DDX31: variants seen among roughly 807,000 people sequenced by gnomAD.
DDX31 encodes the protein ATP-dependent DNA helicase DDX31.
A neutral mutation model predicts 91.3 loss-of-function variants in DDX31; 70 were observed. The observed-to-expected ratio is 0.77, with a 90% CI of 0.63 to 0.94. The LOEUF (loss-of-function observed/expected upper bound fraction) is 0.94, where lower values mean the gene tolerates loss of function less well. Among genes scored for constraint, DDX31 ranks in the 40% least tolerant of loss-of-function variants. The probability of loss-of-function intolerance (pLI) is 0.00; values close to 1 mark genes in which losing one functional copy is unlikely to be tolerated. For missense variants in DDX31, 902 were observed against 925.0 expected, an observed-to-expected ratio of 0.98 and a Z score of 0.32; for synonymous variants, 362 against 350.6, an observed-to-expected ratio of 1.03 and a Z score of -0.36.
intron 4 of DDX31, 24 bp downstream of exon 4, chr9:132,661,184 T>C (rs1224670055): frequency 1.2e-6 from 2 of 1,604,896 alleles, no homozygotes; most frequent in Non-Finnish European, 1.7e-6. Flanking sequence ...GCCTAAGAAA[T>C]CAAGAGGAGC....
chr9:132,654,415 A>G (rs996721296), intron 6 of DDX31, among the ~76,000 whole-genome samples: 1 of 152,192 alleles, frequency 6.6e-6, no homozygotes, highest in Non-Finnish European at 1.5e-5. Flanking sequence ...GTTAGAGACC[A>G]GCCTGGCCAA....
At chr9:132,640,750 C>T (rs962106607) in intron 14 of DDX31, among the ~76,000 whole-genome samples, 3 of 152,194 alleles carry the variant, frequency 2.0e-5, no homozygotes, top group African/African-American at 7.2e-5. Context: ...TCAAGCGATC[C>T]TCCCACCTCG....
At chr9:132,646,228 T>C (rs1833833047) in intron 12 of DDX31, among the ~76,000 whole-genome samples, 157 bp from the exon 13 acceptor site, 1 of 152,160 alleles carries the variant, frequency 6.6e-6, no homozygotes, top group African/African-American at 2.4e-5. Flanking sequence ...AAAACAGTGA[T>C]ACTCCACTCT....
chr9:132,666,048 T>C (rs1295390796), intron 1 of DDX31, among the ~76,000 whole-genome samples: 1 of 152,252 alleles, frequency 6.6e-6, no homozygotes, highest in Non-Finnish European at 1.5e-5. Flanking sequence ...AGTTTTGCCT[T>C]GTATAGTCTT....
intron 16 of DDX31, among the ~76,000 whole-genome samples, chr9:132,628,975 GA>G (rs1315194652): frequency 6.6e-6 from 1 of 152,258 alleles, no homozygotes; most frequent in Non-Finnish European, 1.5e-5. Flanking sequence ...GGAGGAAAAG[GA>G]AACTGGCTGC....
chr9:132,669,409 A>G (rs904389350), intron 1 of DDX31, among the ~76,000 whole-genome samples: 1 of 152,144 alleles, frequency 6.6e-6, no homozygotes, highest in African/African-American at 2.4e-5. Flanking sequence ...AATGAAAGCC[A>G]TCTGATGAGA....
chr9:132,646,967 T>A lies in DDX31; in HGVS notation c.1059A>T (p.Lys353Asn). The A allele has an allele frequency of 6.2e-7, 1 of 1,614,212 alleles. No homozygotes were observed. Among genetic ancestry groups the A allele is most frequent in the Non-Finnish European group, 8.5e-7 (1 of 1,180,034 alleles). Reference protein sequence around the residue: ...KSHDQLNPKDKAVQEVCPPPA... With the variant: ...KSHDQLNPKDNAVQEVCPPPA... ...GTGGAGGACAGACCTCCTGGACCGCTTTGTCCTTTGGGTTCAACTGGTCAT... is the reference window on the plus strand; with the variant it reads ...GTGGAGGACAGACCTCCTGGACCGCATTGTCCTTTGGGTTCAACTGGTCAT... Residue 353 changes from lysine (K) to asparagine (N), a missense_variant, in exon 12 of 20, where the codon AAA becomes AAT. By Grantham distance (94) the Lys-to-Asn change is moderately conservative. Transcript: ENST00000372159.
At chr9:132,618,967 T>C (rs1831818767) in intron 17 of DDX31, among the ~76,000 whole-genome samples, 2 of 152,186 alleles carry the variant, frequency 1.3e-5, no homozygotes, top group Admixed American at 6.5e-5. Flanking sequence ...TTCAGACTTC[T>C]AGTGTTTCAA....
In DDX31 at chr9:132,594,825, AC is replaced by A; in HGVS notation, c.*40del. 1 of 1,603,732 alleles carries A rather than the reference AC, an allele frequency of 6.2e-7. No individual in the cohort carries two copies. On this transcript the variant is annotated 3_prime_UTR_variant, in exon 20 of 20. Coordinates refer to ENST00000372159, the MANE Select transcript of DDX31 (RefSeq NM_022779.9). ...AAGAACTGGACATCAATCCACTGCC[AC>A]CCGGGGCTTCCAGGTTCCACTCGAA...
At chr9:132,620,211 G>A (rs1831933080) in intron 17 of DDX31, among the ~76,000 whole-genome samples, 1 of 151,992 alleles carries the variant, frequency 6.6e-6, no homozygotes, top group South Asian at 2.1e-4. Flanking sequence ...AGGCAGAGAG[G>A]TTTCAGAATT....
At chr9:132,622,220 C>T (rs1251674117) in intron 17 of DDX31, among the ~76,000 whole-genome samples, 14 of 152,152 alleles carry the variant, frequency 9.2e-5, no homozygotes, top group Non-Finnish European at 2.1e-4. Flanking sequence ...GATAATCTGC[C>T]TGAGATTGCA....
At chr9:132,607,663 T>C (rs1831098891) in intron 19 of DDX31, among the ~76,000 whole-genome samples, 1 of 152,206 alleles carries the variant, frequency 6.6e-6, no homozygotes, top group South Asian at 2.1e-4. Context: ...TACCAAGATC[T>C]TTAAACATTT....
intron 1 of DDX31, 89 bp from the exon 2 acceptor site, chr9:132,662,784 T>A: frequency 6.5e-7 from 1 of 1,548,324 alleles, no homozygotes; most frequent in South Asian, 1.2e-5. Context: ...CCCACAGAAT[T>A]GCATCTCTCC....
chr9:132,615,287 G>A (rs542861625), intron 18 of DDX31, among the ~76,000 whole-genome samples: 2 of 151,792 alleles, frequency 1.3e-5, no homozygotes, highest in African/African-American at 4.9e-5. Flanking sequence ...CTTGTAAGAT[G>A]AAGGAGACAG....
rs144248386 is a variant in DDX31, at chr9:132,649,325, C to G, written c.741-774G>C. 1.2e-3 allele frequency among the ~76,000 whole-genome samples: 183 copies of G among 152,248 alleles called. 2 individuals are homozygous for G. The highest frequency in any genetic ancestry group is 4.1e-3 in the African/African-American group (171 of 41,548). On this transcript the variant is annotated intron_variant, in intron 9 of 19. Transcript: ENST00000372159. ...AATGGGATAAAAGGTAAAGGGAACA[C>G]GCCAATCACACAAGCACCTTCAGAG...
At chr9:132,614,062 C>T (rs1831498280) in intron 18 of DDX31, among the ~76,000 whole-genome samples, 1 of 152,188 alleles carries the variant, frequency 6.6e-6, no homozygotes, top group Non-Finnish European at 1.5e-5. Context: ...CTTGTTGAGC[C>T]ACTGGACTGG....
At chr9:132,661,037 T>C (rs1834902330) in intron 4 of DDX31, 171 bp downstream of exon 4, 1 of 638,448 alleles carries the variant, frequency 1.6e-6, no homozygotes, top group African/African-American at 1.9e-5. Context: ...TCTTTCCATT[T>C]AACAGGTGGA....
rs755288038 is a variant in DDX31, at chr9:132,668,724, C to CGTGG, written c.75+1135_75+1136insCCAC. ...CTGGGACTACAGGCGCCCACCACCACGCCCAGCTAATTTTTTGTATTTTTA... is the reference window on the plus strand; with the variant it reads ...CTGGGACTACAGGCGCCCACCACCACGTGGGCCCAGCTAATTTTTTGTATTTTTA... On this transcript the variant is annotated intron_variant, in intron 1 of 19. Coordinates refer to ENST00000372159, the MANE Select transcript of DDX31 (RefSeq NM_022779.9). Among the ~76,000 whole-genome samples, 3 of 152,146 alleles carry CGTGG rather than the reference C, an allele frequency of 2.0e-5. No homozygotes were observed. In the East Asian group the frequency reaches 5.8e-4, roughly 29 times the overall value.
intron 19 of DDX31, among the ~76,000 whole-genome samples, chr9:132,608,090 T>G (rs1230299570): frequency 1.3e-5 from 2 of 152,180 alleles, no homozygotes; most frequent in Non-Finnish European, 2.9e-5. Flanking sequence ...TCTCAGAAAC[T>G]GCTGAATCTA....
Sources: gnomAD v4.1 joint callset for allele counts (sites outside exome capture counted in the v4.1 genomes callset) on GRCh38, gnomAD v4.1.1 for gene constraint, MANE v1.5 for transcripts, NCBI Gene and HGNC (gene_info 2026-07-23, HGNC 2026-07-21) for gene names.